The following POLA2 variants were observed in gnomAD, a reference collection of about 807,000 sequenced individuals.
POLA2 encodes the protein DNA polymerase alpha 2, accessory subunit, also known as DNA polymerase alpha subunit B.
Under a neutral mutation model 82.8 loss-of-function variants are expected in POLA2, and 47 were observed. The ratio of observed to expected loss-of-function variants is 0.57; its 90% CI spans 0.45 to 0.72. The LOEUF (loss-of-function observed/expected upper bound fraction) is 0.72, where lower values mean the gene tolerates loss of function less well. Ranked by LOEUF, POLA2 falls within the 30% of genes least tolerant of loss-of-function variation. The pLI is 0.00. For synonymous variants in POLA2, 287 were observed against 286.8 expected, an observed-to-expected ratio of 1.00 and a Z score of -0.01; for missense variants, 634 against 728.1, an observed-to-expected ratio of 0.87 and a Z score of 1.49.
rs200610658 is a variant in POLA2, at chr11:65,294,639, G to A, written c.1447G>A (p.Glu483Lys). Residue 483 changes from glutamate (E) to lysine (K), a missense_variant, in exon 15 of 18, where the codon GAG becomes AAG. Physicochemically the swap from Glu to Lys is moderately conservative, Grantham distance 56. Coordinates refer to ENST00000265465, the MANE Select transcript of POLA2 (RefSeq NM_002689.4). ...STDLLFHLGA[E>K]EISSSSGTSD... Reference sequence around the variant, plus strand: ...AGATCTGCTTTTCCACCTGGGGGCCGAGGAGATCAGTAGGTAAGAAGTGTG... The same window carrying A: ...AGATCTGCTTTTCCACCTGGGGGCCAAGGAGATCAGTAGGTAAGAAGTGTG... 59 of 1,612,116 alleles carry A rather than the reference G, an allele frequency of 3.7e-5. No individual in the cohort carries two copies. The Middle Eastern group carries it at 4.9e-4, about 13-fold the overall frequency.
rs1039726369 is a variant in POLA2, at chr11:65,262,239, G to C, written c.-54G>C. On this transcript the variant is annotated 5_prime_UTR_variant, in exon 1 of 18. Coordinates refer to ENST00000265465, the MANE Select transcript of POLA2 (RefSeq NM_002689.4). Reference sequence around the variant, plus strand: ...CGCTCGCCACCCCCGTGGGCTTCTTGGGCGCAGGTCGGAGCTGGGTGGGCC... The same window carrying C: ...CGCTCGCCACCCCCGTGGGCTTCTTCGGCGCAGGTCGGAGCTGGGTGGGCC... The C allele has an allele frequency of 2.5e-5, 37 of 1,460,164 alleles. No homozygotes were observed. Among genetic ancestry groups the C allele is most frequent in the Non-Finnish European group, 3.1e-5 (33 of 1,051,936 alleles). 90.5% of individuals were successfully genotyped at this position (1,460,164 alleles called of 1,614,324 possible).
downstream of POLA2, chr11:65,305,591 T>C (rs1949883478): frequency 2.2e-5 from 8 of 360,046 alleles, no homozygotes; most frequent in South Asian, 1.7e-4. Context: ...GGAGGATGGC[T>C]TAAGCCCAGG....
intron 3 of POLA2, among the ~76,000 whole-genome samples, chr11:65,267,771 C>T (rs1949477348): frequency 6.6e-6 from 1 of 151,996 alleles, no homozygotes; most frequent in Non-Finnish European, 1.5e-5. Context: ...ATGGTGAAAC[C>T]CTGTCTCTAT....
chr11:65,296,418 T>G (rs969935906), intron 17 of POLA2: 1 of 177,734 alleles, frequency 5.6e-6, no homozygotes, highest in Non-Finnish European at 1.2e-5. Context: ...TAGCCCTGCC[T>G]GCCTTGGAGT....
intron 6 of POLA2, 50 bp downstream of exon 6, chr11:65,278,973 G>A (rs1179330592): frequency 6.6e-7 from 1 of 1,526,504 alleles, no homozygotes; most frequent in East Asian, 2.3e-5. Flanking sequence ...CCACCTAGAA[G>A]GGTGTAGAGT....
In POLA2 at chr11:65,297,500, G is replaced by GTTAGTTGAGGCTC; in HGVS notation, c.*232_*233insTAGTTGAGGCTCT. 2.5e-6 allele frequency: 1 copy of GTTAGTTGAGGCTC among 395,942 alleles called. No individual in the cohort carries two copies. The allele number at this position is 395,942 out of a possible 1,614,324, so 24.5% of individuals were successfully genotyped here. ...TCTTGCTTCTCAGTCCATGCTCCGTGTCCAGAAGTAAGCCAGCTGTGGATC... is the reference window on the plus strand; with the variant it reads ...TCTTGCTTCTCAGTCCATGCTCCGTGTTAGTTGAGGCTCTCCAGAAGTAAGCCAGCTGTGGATC... On this transcript the variant is annotated 3_prime_UTR_variant, in exon 18 of 18. Coordinates refer to ENST00000265465, the MANE Select transcript of POLA2 (RefSeq NM_002689.4).
At chr11:65,299,925 C>T (rs1423679516), downstream of POLA2, among the ~76,000 whole-genome samples, 2 of 152,162 alleles carry the variant, frequency 1.3e-5, no homozygotes. Flanking sequence ...CTCCTGACCT[C>T]AAGTGATCCA....
At position 65,282,043 on chromosome 11, in the gene POLA2, T is replaced by C. The variant is rs531239769; in HGVS notation, c.963+311T>C. On this transcript the variant is annotated intron_variant, in intron 9 of 17. Transcript: ENST00000265465. ...TGGCTGTGTTCCCATAAAACTTTAT[T>C]TAAATAGTGGGCTGCAGCCAAATTT... Among the ~76,000 whole-genome samples, 5 of 152,356 alleles carry C rather than the reference T, an allele frequency of 3.3e-5. No individual in the cohort carries two copies. In the East Asian group the frequency reaches 9.6e-4, roughly 29 times the overall value.
intron 14 of POLA2, 103 bp downstream of exon 14, chr11:65,294,364 T>C: frequency 9.7e-7 from 1 of 1,034,382 alleles, no homozygotes; most frequent in South Asian, 1.3e-5. Flanking sequence ...CTTTAGGGTG[T>C]GCGTACAGCC....
chr11:65,274,049 GT>G (rs1234540181), intron 4 of POLA2, among the ~76,000 whole-genome samples: 3 of 152,140 alleles, frequency 2.0e-5, no homozygotes, highest in Non-Finnish European at 4.4e-5. Context: ...ATCATTGTAG[GT>G]CAGTTTAATT....
intron 4 of POLA2, 108 bp downstream of exon 4, chr11:65,268,837 A>G (rs1023579484): frequency 6.2e-6 from 4 of 647,168 alleles, no homozygotes; most frequent in Middle Eastern, 2.8e-4. Flanking sequence ...TGCATTTCCT[A>G]CTATATTTCC....
rs1217546611 is a variant in POLA2 at position 65,268,717 on chromosome 11, C to CA, written c.343dup (p.Thr115AsnfsTer27). On this transcript the variant is annotated frameshift_variant, in exon 4 of 18. Transcript: ENST00000265465. LOFTEE classifies it high-confidence loss of function. ...AGGAAATCCTCTTGAACTCTTACAC[C>CA]ACACCTTCAAAGGTAAGTAAACAGT... 1.3e-6 allele frequency: 2 copies of CA among 1,586,060 alleles called. No homozygotes were observed. Among genetic ancestry groups the CA allele is most frequent in the African/African-American group, 2.7e-5 (2 of 73,482 alleles).
chr11:65,287,389 C>T (rs1004528512), intron 10 of POLA2, among the ~76,000 whole-genome samples: 2 of 152,126 alleles, frequency 1.3e-5, no homozygotes, highest in African/African-American at 4.8e-5. Flanking sequence ...GCCCTTGATC[C>T]CCAAAAATTC....
chr11:65,281,709 CTTG>C lies in POLA2; in HGVS notation c.944_946del (p.Val315del), dbSNP rs1415405722. 3.7e-6 allele frequency: 6 copies of C among 1,613,874 alleles called. No individual in the cohort carries two copies. The highest frequency in any genetic ancestry group is 5.1e-6 in the Non-Finnish European group (6 of 1,179,840). ...AGGAATCAACACCACTGGTAGGAAA[CTTG>C]TTGCCACCAAACTCTACGAGGTACA... is the stretch of plus-strand genomic sequence containing the variant. On this transcript the variant is annotated inframe_deletion, in exon 9 of 18. Transcript: ENST00000265465.
chr11:65,267,130 G>A (rs1314380142), intron 2 of POLA2, among the ~76,000 whole-genome samples: 2 of 152,040 alleles, frequency 1.3e-5, no homozygotes, highest in Non-Finnish European at 2.9e-5. Context: ...CGCTTGAACC[G>A]AGGAGGTGGA....
intron 4 of POLA2, among the ~76,000 whole-genome samples, chr11:65,274,349 A>G (rs1255277904): frequency 6.6e-6 from 1 of 151,694 alleles, no homozygotes; most frequent in African/African-American, 2.4e-5. Context: ...CTGGGCAACA[A>G]GAGCGAAGTG....
chr11:65,291,055 G>A (rs1285836587), intron 13 of POLA2, among the ~76,000 whole-genome samples: 1 of 152,256 alleles, frequency 6.6e-6, no homozygotes, highest in African/African-American at 2.4e-5. Context: ...CACTGTTCCA[G>A]GAAGAGGCTA....
At chr11:65,273,037 T>C in intron 4 of POLA2, among the ~76,000 whole-genome samples, 1 of 141,718 alleles carries the variant, frequency 7.1e-6, no homozygotes, top group Admixed American at 7.2e-5. Context: ...AAGATGAAAC[T>C]AGCCAGGCGC....
intron 13 of POLA2, among the ~76,000 whole-genome samples, chr11:65,291,917 A>C (rs1433844786): frequency 6.6e-6 from 1 of 152,250 alleles, no homozygotes. Context: ...TCAGAAATGC[A>C]GAGCATTAAG....
Sources: gnomAD v4.1 joint callset for allele counts (sites outside exome capture counted in the v4.1 genomes callset) on GRCh38, gnomAD v4.1.1 for gene constraint, MANE v1.5 for transcripts, NCBI Gene and HGNC (gene_info 2026-07-23, HGNC 2026-07-21) for gene names.